The following PPFIA1 variants were observed in gnomAD, a reference collection of about 807,000 sequenced individuals.
PPFIA1 encodes PPFI scaffold protein A1, also known as liprin-alpha-1.
A neutral mutation model predicts 149.9 loss-of-function variants in PPFIA1; 25 were observed. The ratio of observed to expected loss-of-function variants is 0.17; its 90% CI spans 0.12 to 0.23. The LOEUF (loss-of-function observed/expected upper bound fraction) is 0.23. Among genes scored for constraint, PPFIA1 ranks in the 10% least tolerant of loss-of-function variants. The pLI is 1.00. For missense variants in PPFIA1, 1,362 were observed against 1,506.5 expected, an observed-to-expected ratio of 0.90 and a Z score of 1.59; for synonymous variants, 549 against 552.8, an observed-to-expected ratio of 0.99 and a Z score of 0.10.
chr11:70,371,434 A>ATATTTTGTTGATGGCG (rs1183799909), intron 21 of PPFIA1: 1 of 1,800 alleles, frequency 5.6e-4, no homozygotes, highest in Admixed American at 8.2e-3. Flanking sequence ...GGCGTGTTCT[A>ATATTTTGTTGATGGCG]TGTTCTCTTG....
chr11:70,297,568 C>G (rs976772032), intron 2 of PPFIA1, among the ~76,000 whole-genome samples: 6 of 152,174 alleles, frequency 3.9e-5, no homozygotes, highest in Non-Finnish European at 8.8e-5. Context: ...CAAAATTACT[C>G]ATATTCAAAA....
Position 70,297,711 on chromosome 11 carries a change from T to G in PPFIA1, c.264+25275T>G, listed in dbSNP as rs1402657602. ...TCTCTGGGAAGGTGGAGAACCAGGT[T>G]TGGAGGACACTGGTTAGCCAGGCCC... On this transcript the variant is annotated intron_variant, in intron 2 of 27. Coordinates refer to ENST00000253925, the MANE Select transcript of PPFIA1 (RefSeq NM_003626.5). 2.3e-4 allele frequency among the ~76,000 whole-genome samples: 35 copies of G among 152,210 alleles called. 2 individuals carry two copies. Among genetic ancestry groups the G allele is most frequent in the Admixed American group, 2.3e-3 (35 of 15,290 alleles).
chr11:70,274,590 C>G (rs185586240), intron 2 of PPFIA1, among the ~76,000 whole-genome samples: 2 of 152,226 alleles, frequency 1.3e-5, no homozygotes, highest in Non-Finnish European at 2.9e-5. Context: ...CTCATTCTCA[C>G]CTGCTCTCTG....
chr11:70,383,012 A>G lies in PPFIA1; in HGVS notation c.*22A>G, dbSNP rs950945739. The G allele has an allele frequency of 5.2e-5, 21 of 407,112 alleles. No homozygotes were observed. The Admixed American group carries it at 7.0e-4, about 13-fold the overall frequency. 25.2% of individuals were successfully genotyped at this position (407,112 alleles called of 1,614,324 possible). A position where few individuals can be genotyped will look rare whatever the true frequency, so the allele number is the denominator to read the frequency against. ...TGTGTTTATTTTCCAGTTTACCCAC[A>G]CTACTTCTACAGATGATTATGCAGC... On this transcript the variant is annotated 3_prime_UTR_variant, in exon 28 of 28. Transcript: ENST00000253925.
At chr11:70,378,429 TC>T (rs1157983266) in intron 26 of PPFIA1, 2 of 1,258,454 alleles carry the variant, frequency 1.6e-6, no homozygotes, top group Admixed American at 3.9e-5. Flanking sequence ...AGCATATTTT[TC>T]CAACTAATAA....
Position 70,355,824 on chromosome 11 carries a change from TCCGCA to T in PPFIA1, c.2488+16_2488+20del. ...GCATTAGGACAAGGTTGGTTGGTTT[TCCGCA>T]CCCTTCTCAGCACCCAGGGGTCGGG... On this transcript the variant is annotated intron_variant, in intron 18 of 27. Transcript: ENST00000253925. The T allele has an allele frequency of 6.2e-7, 1 of 1,601,740 alleles. No individual in the cohort carries two copies. Among genetic ancestry groups the T allele is most frequent in the Non-Finnish European group, 8.5e-7 (1 of 1,175,000 alleles).
At chr11:70,325,838 C>T (rs180707427) in intron 5 of PPFIA1, among the ~76,000 whole-genome samples, 2 of 150,074 alleles carry the variant, frequency 1.3e-5, no homozygotes, top group Admixed American at 1.3e-4. Context: ...GAGGCTGAGA[C>T]ATGAGAATTG....
intron 2 of PPFIA1, among the ~76,000 whole-genome samples, chr11:70,316,473 A>G (rs2053633732): frequency 6.6e-6 from 1 of 152,244 alleles, no homozygotes; most frequent in South Asian, 2.1e-4. Flanking sequence ...GTTAAAAAGC[A>G]AAACAGAGCT....
intron 25 of PPFIA1, among the ~76,000 whole-genome samples, chr11:70,377,507 T>G (rs183717695): frequency 3.6e-4 from 55 of 152,150 alleles, no homozygotes; most frequent in Non-Finnish European, 6.6e-4. Flanking sequence ...AGTTAAAAAT[T>G]GTTTGTAGAG....
At chr11:70,368,955 T>G (rs2057094006) in intron 21 of PPFIA1, among the ~76,000 whole-genome samples, 1 of 142,028 alleles carries the variant, frequency 7.0e-6, no homozygotes, top group South Asian at 2.1e-4. Flanking sequence ...AGTCAGTCTT[T>G]TTTTTTTTTT....
chr11:70,286,490 A>T (rs1178209639), intron 2 of PPFIA1, among the ~76,000 whole-genome samples: 3 of 152,130 alleles, frequency 2.0e-5, no homozygotes, highest in African/African-American at 7.2e-5. Context: ...ACCTCTGATG[A>T]TCTGCCCTTC....
chr11:70,317,242 TG>T (rs2053689775), intron 2 of PPFIA1, among the ~76,000 whole-genome samples: 1 of 152,178 alleles, frequency 6.6e-6, no homozygotes, highest in African/African-American at 2.4e-5. Context: ...TGCACATATT[TG>T]GGGTTCCTAC....
intron 15 of PPFIA1, among the ~76,000 whole-genome samples, chr11:70,347,442 T>C (rs1377545043): frequency 6.6e-6 from 1 of 152,356 alleles, no homozygotes; most frequent in Non-Finnish European, 1.5e-5. Flanking sequence ...CTCATGCCAG[T>C]AATCCCACCA....
In PPFIA1 at chr11:70,338,399, C is replaced by T. The variant is rs1163534410; in HGVS notation, c.1517C>T (p.Ala506Val). 1.9e-6 allele frequency: 3 copies of T among 1,613,276 alleles called. No homozygotes were observed. Among genetic ancestry groups the T allele is most frequent in the Non-Finnish European group, 2.5e-6 (3 of 1,179,190 alleles). Residue 506 changes from alanine to valine, a missense_variant, in exon 13 of 28, where the codon GCA (alanine) becomes GTA (valine). Physicochemically the swap from Ala to Val is moderately conservative, Grantham distance 64 (BLOSUM62 0). This residue lies in a region of PPFIA1 where 733 missense variants were observed against 744.1 expected (regional missense o/e 0.99). Transcript: ENST00000253925. ...DKDQLVLNIEALRAELDHMRL... is the reference protein window; with the variant it reads ...DKDQLVLNIEVLRAELDHMRL... ...GATCAGCTTGTCCTAAACATTGAAG[C>T]ACTGAGGGCTGAACTAGACCACATG...
chr11:70,312,383 G>A (rs1382331958), intron 2 of PPFIA1, among the ~76,000 whole-genome samples: 1 of 151,990 alleles, frequency 6.6e-6, no homozygotes, highest in Non-Finnish European at 1.5e-5. Flanking sequence ...GAGGGACCAG[G>A]TTTCACCATG....
chr11:70,346,078 C>T (rs1049008759), intron 15 of PPFIA1: 34 of 365,566 alleles, frequency 9.3e-5, no homozygotes, highest in African/African-American at 7.2e-4. Flanking sequence ...AGTTATAATG[C>T]AGAACTTACA....
intron 2 of PPFIA1, among the ~76,000 whole-genome samples, chr11:70,282,856 T>A (rs1340433230): frequency 7.8e-5 from 10 of 127,942 alleles, no homozygotes; most frequent in Non-Finnish European, 1.3e-4. Context: ...TTTTTTTTTT[T>A]AAGAAGGAAT....
At chr11:70,289,595 A>T (rs1271809955) in intron 2 of PPFIA1, among the ~76,000 whole-genome samples, 1 of 152,264 alleles carries the variant, frequency 6.6e-6, no homozygotes, top group African/African-American at 2.4e-5. Flanking sequence ...GGTTTAAAAC[A>T]ATTTGTTGTA....
At chr11:70,382,235 AGG>A in intron 27 of PPFIA1, 77 bp downstream of exon 27, 1 of 1,147,128 alleles carries the variant, frequency 8.7e-7, no homozygotes, top group Non-Finnish European at 1.3e-6. Flanking sequence ...GTGCCAGACT[AGG>A]GGTGTGGACC....
Sources: gnomAD v4.1 joint callset for allele counts (sites outside exome capture counted in the v4.1 genomes callset) on GRCh38, gnomAD v4.1.1 for gene constraint, gnomAD v4.1.1 regional missense constraint, MANE v1.5 for transcripts, NCBI Gene and HGNC (gene_info 2026-07-23, HGNC 2026-07-21) for gene names.